Variants in DPP6 observed in about 807,000 individuals in gnomAD.
DPP6 encodes the protein dipeptidyl peptidase like 6.
DPP6 carries 69 observed loss-of-function variants against 122.6 expected under a neutral mutation model. The observed-to-expected ratio is 0.56, with a 90% CI of 0.46 to 0.69. The LOEUF (loss-of-function observed/expected upper bound fraction) is 0.69, where lower values mean the gene tolerates loss of function less well. Among genes scored for constraint, DPP6 ranks in the 30% least tolerant of loss-of-function variants. The probability of loss-of-function intolerance (pLI) is 0.00; values close to 1 mark genes in which losing one functional copy is unlikely to be tolerated. For synonymous variants in DPP6, 418 were observed against 433.1 expected (o/e 0.97, Z 0.43); for missense variants, 928 against 1,116.9 (o/e 0.83, Z 2.41).
chr7:154,152,187 C>T (rs1796458403), intron 1 of DPP6, among the ~76,000 whole-genome samples: 2 of 151,776 alleles, frequency 1.3e-5, no homozygotes, highest in South Asian at 4.2e-4. Context: ...AGGGCAGTGA[C>T]AGAGAAAGCA....
intron 7 of DPP6, among the ~76,000 whole-genome samples, chr7:154,675,777 C>T (rs1454491038): frequency 5.3e-5 from 8 of 152,220 alleles, no homozygotes; most frequent in African/African-American, 1.7e-4. Context: ...TGCTCTGGCA[C>T]GGTCACTCTC....
chr7:154,571,521 T>C (rs1035141279), intron 5 of DPP6, among the ~76,000 whole-genome samples: 3 of 152,146 alleles, frequency 2.0e-5, no homozygotes, highest in Non-Finnish European at 4.4e-5. Flanking sequence ...TTCAAAGACC[T>C]AAGAGAAAAA....
Position 154,146,699 on chromosome 7 carries a change from T to C in DPP6, c.243+93636T>C, listed in dbSNP as rs1383250552. ...GCCTGCATTATTCATATAAATATGC[T>C]TGGTAGACAAGGGACAGAAGGCACT... On this transcript the variant is annotated intron_variant, in intron 1 of 25. Coordinates refer to ENST00000377770, the MANE Select transcript of DPP6 (RefSeq NM_130797.4). Among the ~76,000 whole-genome samples the C allele has an allele frequency of 2.0e-5, 3 of 152,266 alleles. No individual in the cohort carries two copies. In the East Asian group the frequency reaches 5.8e-4, roughly 29 times the overall value.
chr7:154,287,263 A>G (rs538854146), intron 1 of DPP6, among the ~76,000 whole-genome samples: 3 of 152,342 alleles, frequency 2.0e-5, no homozygotes, highest in South Asian at 4.1e-4. Flanking sequence ...ACATGTGACC[A>G]TGTTTAAAAT....
At chr7:154,392,352 A>T (rs564877638) in intron 1 of DPP6, among the ~76,000 whole-genome samples, 1 of 152,212 alleles carries the variant, frequency 6.6e-6, no homozygotes, top group Admixed American at 6.5e-5. Context: ...TTTAACCTGA[A>T]CCCATCTCAG....
intron 1 of DPP6, among the ~76,000 whole-genome samples, chr7:153,916,464 T>C (rs1455405339): frequency 6.9e-6 from 1 of 145,002 alleles, no homozygotes; most frequent in Non-Finnish European, 1.5e-5. Flanking sequence ...CAGACTGGAG[T>C]GCAGTGGCAC....
chr7:154,688,615 A>G (rs902723217), intron 7 of DPP6, among the ~76,000 whole-genome samples: 2 of 152,200 alleles, frequency 1.3e-5, no homozygotes, highest in Non-Finnish European at 1.5e-5. Flanking sequence ...CCCAGTCTCA[A>G]AACTGAACAA....
At chr7:154,559,627 A>G (rs562486945) in intron 4 of DPP6, among the ~76,000 whole-genome samples, 53 of 152,276 alleles carry the variant, frequency 3.5e-4, no homozygotes, top group African/African-American at 1.3e-3. Flanking sequence ...TGGAAGAACA[A>G]ACCTAAGAAA....
chr7:154,375,875 T>A (rs1813085314), intron 1 of DPP6, among the ~76,000 whole-genome samples: 1 of 152,202 alleles, frequency 6.6e-6, no homozygotes, highest in African/African-American at 2.4e-5. Flanking sequence ...AATCCTACCC[T>A]TTCATGAATG....
chr7:154,797,445 G>C (rs1484906415), intron 12 of DPP6, among the ~76,000 whole-genome samples: 1 of 152,132 alleles, frequency 6.6e-6, no homozygotes, highest in East Asian at 1.9e-4. Flanking sequence ...AACTGAAATA[G>C]TATTCCAGTA....
intron 1 of DPP6, among the ~76,000 whole-genome samples, chr7:154,438,202 A>T (rs1422911252): frequency 1.2e-4 from 18 of 152,022 alleles, no homozygotes; most frequent in East Asian, 3.9e-4. Flanking sequence ...GCACTGTGGC[A>T]AATGCCTGTA....
intron 1 of DPP6, among the ~76,000 whole-genome samples, chr7:154,385,764 C>G (rs1814053709): frequency 1.3e-5 from 2 of 152,108 alleles, no homozygotes; most frequent in Non-Finnish European, 2.9e-5. Context: ...ACTCACTGGT[C>G]TCAGCGAGTA....
chr7:154,536,868 T>C (rs577089142), intron 3 of DPP6, among the ~76,000 whole-genome samples: 1 of 152,180 alleles, frequency 6.6e-6, no homozygotes, highest in Non-Finnish European at 1.5e-5. Flanking sequence ...CTGCAACAAA[T>C]AGTTGCAGAT....
At chr7:154,847,291 A>G (rs922213371) in intron 16 of DPP6, among the ~76,000 whole-genome samples, 2 of 152,248 alleles carry the variant, frequency 1.3e-5, no homozygotes, top group Non-Finnish European at 2.9e-5. Flanking sequence ...TATATATGGC[A>G]TGTATATTAT....
At chr7:154,063,532 C>G (rs1357809202) in intron 1 of DPP6, among the ~76,000 whole-genome samples, 4 of 132,554 alleles carry the variant, frequency 3.0e-5, no homozygotes, top group East Asian at 4.6e-4. Context: ...GGGGGAGGCA[C>G]CCCCCGCGAG....
At chr7:153,838,761 G>A in the DPP6 span, among the ~76,000 whole-genome samples, 16 of 152,190 alleles carry the variant, frequency 1.1e-4, no homozygotes, top group Non-Finnish European at 2.4e-4. Context: ...CAAAGTACTG[G>A]AAATCACATT....
At chr7:154,091,468 T>A (rs1804832770) in intron 1 of DPP6, among the ~76,000 whole-genome samples, 1 of 152,190 alleles carries the variant, frequency 6.6e-6, no homozygotes. Context: ...AAAGTTTCTA[T>A]CAGCCCTCCT....
chr7:154,839,295 T>C (rs1317959338), intron 16 of DPP6, among the ~76,000 whole-genome samples: 1 of 152,230 alleles, frequency 6.6e-6, no homozygotes, highest in Non-Finnish European at 1.5e-5. Context: ...CCAAGTCTAC[T>C]GAGCTAGCTA....
rs534170526 is a variant in DPP6 at position 154,254,806 on chromosome 7, G to T, written c.244-191408G>T. The stretch of plus-strand genomic sequence containing the variant: ...AGGAACATACATGGCCTATTTTAAT[G>T]ATCATGAGAGCAAGAGACTGTCTGA... On this transcript the variant is annotated intron_variant, in intron 1 of 25. Coordinates refer to ENST00000377770, the MANE Select transcript of DPP6 (RefSeq NM_130797.4). Among the ~76,000 whole-genome samples, 3 of 152,256 alleles carry T rather than the reference G, an allele frequency of 2.0e-5. No individual in the cohort carries two copies. The South Asian group carries it at 6.2e-4, about 32-fold the overall frequency.
Sources: allele counts gnomAD v4.1 joint callset (sites outside exome capture counted in the v4.1 genomes callset), GRCh38; gene constraint gnomAD v4.1.1; transcripts MANE v1.5; gene names NCBI Gene and HGNC (gene_info 2026-07-23, HGNC 2026-07-21).